The following C3orf52 variants were observed in gnomAD, a reference collection of about 807,000 sequenced individuals.
C3orf52 encodes the protein TPA-induced transmembrane protein.
C3orf52 carries 22 observed loss-of-function variants against 24.8 expected under a neutral mutation model. That is an observed-to-expected ratio of 0.89 (90% CI 0.63 to 1.27). The LOEUF (loss-of-function observed/expected upper bound fraction) is 1.27, where lower values mean the gene tolerates loss of function less well. Among genes scored for constraint, C3orf52 ranks in the 50% most tolerant of loss-of-function variants. The probability of loss-of-function intolerance (pLI) is 0.00; values close to 1 mark genes in which losing one functional copy is unlikely to be tolerated. For synonymous variants in C3orf52, 93 were observed against 100.2 expected, an observed-to-expected ratio of 0.93 and a Z score of 0.43; for missense variants, 265 against 260.7, an observed-to-expected ratio of 1.02 and a Z score of -0.11.
chr3:112,090,044 GC>G (rs1464251717), intron 1 of C3orf52, among the ~76,000 whole-genome samples: 2 of 152,178 alleles, frequency 1.3e-5, no homozygotes. Context: ...TAGAATTTGG[GC>G]AAGAGAGATG....
At chr3:112,118,447 T>A (rs2074158509), downstream of C3orf52, among the ~76,000 whole-genome samples, 1 of 152,224 alleles carries the variant, frequency 6.6e-6, no homozygotes, top group Non-Finnish European at 1.5e-5. Context: ...GGACTTGGTA[T>A]CTGAAAGGGC....
chr3:112,093,222 A>C, intron 1 of C3orf52, 138 bp from the exon 2 acceptor site: 1 of 780,740 alleles, frequency 1.3e-6, no homozygotes, highest in Non-Finnish European at 1.9e-6. Flanking sequence ...TCTCTTTTTG[A>C]AAACTTGATT....
At chr3:112,087,750 G>A (rs1017857199) in intron 1 of C3orf52, among the ~76,000 whole-genome samples, 1 of 152,090 alleles carries the variant, frequency 6.6e-6, no homozygotes, top group African/African-American at 2.4e-5. Flanking sequence ...ACTGTGAACT[G>A]GCTGTATGAG....
chr3:112,108,569 A>C (rs566322378), intron 3 of C3orf52, among the ~76,000 whole-genome samples: 4 of 152,332 alleles, frequency 2.6e-5, no homozygotes, highest in African/African-American at 9.6e-5. Flanking sequence ...AAAATTGAGA[A>C]TAGTGCATGT....
intron 3 of C3orf52, among the ~76,000 whole-genome samples, chr3:112,105,737 G>T (rs1287997568): frequency 6.6e-6 from 1 of 151,608 alleles, no homozygotes; most frequent in Non-Finnish European, 1.5e-5. Flanking sequence ...GCAGGCGAAT[G>T]GTGTGAACCC....
chr3:112,090,588 A>G (rs2073868678), intron 1 of C3orf52, among the ~76,000 whole-genome samples: 1 of 152,198 alleles, frequency 6.6e-6, no homozygotes, highest in African/African-American at 2.4e-5. Context: ...CAGTGAGGGC[A>G]CTAGGCTACA....
intron 2 of C3orf52, among the ~76,000 whole-genome samples, chr3:112,094,977 A>G (rs982100570): frequency 2.6e-5 from 4 of 152,202 alleles, no homozygotes; most frequent in Non-Finnish European, 5.9e-5. Context: ...TTTTCCTCAG[A>G]AACTACATTT....
chr3:112,119,043 A>G (rs899546035), downstream of C3orf52, among the ~76,000 whole-genome samples: 10 of 152,356 alleles, frequency 6.6e-5, no homozygotes, highest in Non-Finnish European at 1.2e-4. Context: ...AGTCAGGATC[A>G]GTACAGATGA....
chr3:112,104,598 A>G (rs1024892990), intron 3 of C3orf52, among the ~76,000 whole-genome samples: 1 of 151,780 alleles, frequency 6.6e-6, no homozygotes, highest in Admixed American at 6.6e-5. Flanking sequence ...CTTCATTTAT[A>G]TCTTTAAATT....
intron 4 of C3orf52, chr3:112,112,721 G>T (rs2107788842): frequency 4.0e-6 from 2 of 503,364 alleles, no homozygotes; most frequent in South Asian, 2.0e-5. Context: ...GCCTCTCCCA[G>T]TGGATTCCTA....
At chr3:112,132,201 T>G (rs982347535), downstream of C3orf52, among the ~76,000 whole-genome samples, 3 of 152,108 alleles carry the variant, frequency 2.0e-5, no homozygotes, top group African/African-American at 4.8e-5. Context: ...GGAAGGGACA[T>G]GAGATATTCC....
At chr3:112,111,346 G>T (rs1163107399) in intron 4 of C3orf52, 1 of 152,308 alleles carries the variant, frequency 6.6e-6, no homozygotes, top group East Asian at 1.9e-4. Flanking sequence ...TGCTGCACAT[G>T]GGTGGGAGGC....
At chr3:112,104,371 A>G (rs2074005586) in intron 3 of C3orf52, among the ~76,000 whole-genome samples, 2 of 152,196 alleles carry the variant, frequency 1.3e-5, no homozygotes, top group African/African-American at 2.4e-5. Flanking sequence ...GCTGCCCTCC[A>G]TTAAATTCTT....
At chr3:112,124,476 G>A (rs2074265873) in intron 4 of C3orf52, among the ~76,000 whole-genome samples, 1 of 152,076 alleles carries the variant, frequency 6.6e-6, no homozygotes, top group Admixed American at 6.5e-5. Context: ...AGGTGTGATG[G>A]CACACACCTG....
Position 112,102,763 on chromosome 3 carries a change from TG to T in C3orf52, c.269-73del, listed in dbSNP as rs2073984993. The T allele has an allele frequency of 3.0e-6, 4 of 1,314,640 alleles. No individual in the cohort carries two copies. The South Asian group carries it at 6.0e-5, about 20-fold the overall frequency. 81.4% of individuals were successfully genotyped at this position (1,314,640 alleles called of 1,614,324 possible). A position where few individuals can be genotyped will look rare whatever the true frequency, so the allele number is the denominator to read the frequency against. ...AGTTATGTTTAAGTATGGCAGTCAA[TG>T]GAATAAATAAGTTTATTATTATATG... On this transcript the variant is annotated intron_variant, in intron 2 of 5. Transcript: ENST00000264848.
chr3:112,123,259 A>G, intron 4 of C3orf52: 4 of 986,008 alleles, frequency 4.1e-6, no homozygotes, highest in Middle Eastern at 3.3e-4. Flanking sequence ...GGTGTTGTTC[A>G]GGATAAATGG....
At chr3:112,104,762 C>G (rs533377019) in intron 3 of C3orf52, among the ~76,000 whole-genome samples, 3 of 152,016 alleles carry the variant, frequency 2.0e-5, no homozygotes, top group Non-Finnish European at 4.4e-5. Flanking sequence ...ACACTGTGCC[C>G]AATTTGTAGT....
At chr3:112,127,298 T>C (rs1191871748) in intron 4 of C3orf52, among the ~76,000 whole-genome samples, 1 of 152,230 alleles carries the variant, frequency 6.6e-6, no homozygotes, top group Non-Finnish European at 1.5e-5. Context: ...TGGGGAAATA[T>C]GGTGATAGAG....
intron 2 of C3orf52, 50 bp from the exon 3 acceptor site, chr3:112,102,788 T>C (rs1425049495): frequency 8.1e-6 from 12 of 1,478,718 alleles, no homozygotes; most frequent in Middle Eastern, 2.0e-4. Flanking sequence ...TATTATTATA[T>C]GCAGGTGTTT....
Sources: allele counts gnomAD v4.1 joint callset (sites outside exome capture counted in the v4.1 genomes callset), GRCh38; gene constraint gnomAD v4.1.1; transcripts MANE v1.5; gene names NCBI Gene and HGNC (gene_info 2026-07-23, HGNC 2026-07-21).